Variants in EEF2KMT observed in about 807,000 individuals in gnomAD.
The protein encoded by EEF2KMT is eukaryotic elongation factor 2 lysine methyltransferase.
In EEF2KMT, 30 loss-of-function variants were observed where a neutral mutation model predicts 35.1. The observed-to-expected ratio is 0.85, with a 90% CI of 0.64 to 1.16. The LOEUF is 1.16. Ranked by LOEUF, EEF2KMT falls within the 50% of genes most tolerant of loss-of-function variation. EEF2KMT has a pLI of 0.00. For synonymous variants in EEF2KMT, 190 were observed against 187.7 expected (o/e 1.01, Z -0.10); for missense variants, 499 against 438.2 (o/e 1.14, Z -1.24).
In EEF2KMT at chr16:5,091,192, C is replaced by A. The variant is rs745986621; in HGVS notation, c.342+602G>T. 2.0e-4 allele frequency among the ~76,000 whole-genome samples: 30 copies of A among 152,206 alleles called. 1 individual carries two copies. Among genetic ancestry groups the A allele is most frequent in the Non-Finnish European group, 4.0e-4 (27 of 68,044 alleles). On this transcript the variant is annotated intron_variant, in intron 4 of 7. Transcript: ENST00000427587. ...CACCTCCTGGGTTGAAGAGATTCTCCTGCCTCAGCCTCCCTAGTAGCTGGG... is the reference window on the plus strand; with the variant it reads ...CACCTCCTGGGTTGAAGAGATTCTCATGCCTCAGCCTCCCTAGTAGCTGGG...
intron 2 of EEF2KMT, among the ~76,000 whole-genome samples, chr16:5,094,206 T>C (rs1480188673): frequency 6.7e-6 from 1 of 149,984 alleles, no homozygotes; most frequent in African/African-American, 2.5e-5. Flanking sequence ...GGGATGCAGA[T>C]TCTGCCCAAG....
Position 5,089,258 on chromosome 16 carries a change from T to G in EEF2KMT, c.743-2A>C, listed in dbSNP as rs1957288941. On this transcript the variant is annotated splice_acceptor_variant, in intron 6 of 7. Coordinates refer to ENST00000427587, the MANE Select transcript of EEF2KMT (RefSeq NM_201400.4). LOFTEE classifies it high-confidence loss of function. ...TGGCTTCTGGGCAATACAGCACATC[T>G]ATGGTGAAAGCTTCAGGTTACTGAA... The G allele has an allele frequency of 1.2e-6, 2 of 1,603,076 alleles. No individual in the cohort carries two copies. The highest frequency in any genetic ancestry group is 2.7e-5 in the African/African-American group (2 of 74,846).
intron 3 of EEF2KMT, among the ~76,000 whole-genome samples, chr16:5,092,969 A>C (rs1567180822): frequency 6.6e-6 from 1 of 152,150 alleles, no homozygotes; most frequent in Non-Finnish European, 1.5e-5. Flanking sequence ...CAAAAAAATA[A>C]ATAAATAAGT....
intron 2 of EEF2KMT, 88 bp downstream of exon 2, chr16:5,095,364 T>A (rs777864262): frequency 1.2e-4 from 200 of 1,601,526 alleles, no homozygotes; most frequent in Non-Finnish European, 1.7e-4. Context: ...TTTTAAAGGG[T>A]ACAAGCACAC....
chr16:5,093,261 C>G (rs7202044), intron 3 of EEF2KMT, among the ~76,000 whole-genome samples: 1 of 151,906 alleles, frequency 6.6e-6, no homozygotes, highest in Non-Finnish European at 1.5e-5. Context: ...GAGCAGCTGC[C>G]GTGGAAACCC....
At chr16:5,088,082 C>G (rs566934105) in intron 7 of EEF2KMT, among the ~76,000 whole-genome samples, 4 of 152,004 alleles carry the variant, frequency 2.6e-5, no homozygotes, top group African/African-American at 9.7e-5. Flanking sequence ...GCTGGGACTA[C>G]AGGCGTGTGC....
intron 3 of EEF2KMT, 37 bp from the exon 4 acceptor site, chr16:5,091,932 T>A: frequency 6.2e-7 from 1 of 1,610,230 alleles, no homozygotes; most frequent in Non-Finnish European, 8.5e-7. Flanking sequence ...TTTGCTTTCG[T>A]TCTAATCTGT....
rs904083650 is a variant in EEF2KMT, at chr16:5,090,982, T to G, written c.343-417A>C. 2.6e-5 allele frequency among the ~76,000 whole-genome samples: 4 copies of G among 152,232 alleles called. No individual in the cohort carries two copies. Among genetic ancestry groups the G allele is most frequent in the Admixed American group, 6.5e-5 (1 of 15,276 alleles). ...CCAGGCTGGAGTCAGTGGCACGATC[T>G]TGGCTCACTGCAACCTCTGCCTCCT... On this transcript the variant is annotated intron_variant, in intron 4 of 7. Transcript: ENST00000427587. The surrounding 1 kb of genome is among the most constrained non-coding windows in gnomAD (Gnocchi z 4.1).
rs1270824659 is a variant in EEF2KMT, at chr16:5,085,431, C to T, written c.*201G>A. 8.5e-6 allele frequency: 5 copies of T among 590,118 alleles called. No homozygotes were observed. The highest frequency in any genetic ancestry group is 1.9e-5 in the African/African-American group (1 of 53,318). The allele number at this position is 590,118 out of a possible 1,614,324, so 36.6% of individuals were successfully genotyped here. A position where few individuals can be genotyped will look rare whatever the true frequency, so the allele number is the denominator to read the frequency against. ...GATTTATGGTGATTTTCTTAAGAAC[C>T]AGAACTGCTGGCAGAAAGGGGGCAC... On this transcript the variant is annotated 3_prime_UTR_variant, in exon 8 of 8. Transcript: ENST00000427587.
In EEF2KMT at chr16:5,088,441, G is replaced by A. The variant is rs149372463; in HGVS notation, c.892+666C>T. On this transcript the variant is annotated intron_variant, in intron 7 of 7. Transcript: ENST00000427587. ...CCAGGAGGGGCTGTGCTCAGGGGGA[G>A]CTGGGGCAAAGGCTGGTGGCACTGG... 9.6e-3 allele frequency among the ~76,000 whole-genome samples: 1,463 copies of A among 152,306 alleles called. 25 individuals are homozygous for A. Among genetic ancestry groups the A allele is most frequent in the African/African-American group, 0.033 (1,366 of 41,562 alleles).
chr16:5,097,655 A>C lies in EEF2KMT; in HGVS notation c.85T>G (p.Phe29Val). Residue 29 changes from phenylalanine to valine, a missense_variant, in exon 1 of 8, where the codon TTC becomes GTC. Physicochemically the swap from Phe to Val is conservative, Grantham distance 50. Transcript: ENST00000427587. ...GCCCCGCCGCCCACCTGCCAGGGGA[A>C]GGAGCGCAGTGTGCGTGCCGCCAGG... ...RFLAARTLRS[F>V]PWQSLEAKLR... The C allele has an allele frequency of 6.4e-7, 1 of 1,571,792 alleles. No homozygotes were observed.
In EEF2KMT at chr16:5,097,730, C is replaced by A; in HGVS notation, c.10G>T (p.Glu4Ter). 8 of 1,565,482 alleles carry A rather than the reference C, an allele frequency of 5.1e-6. No homozygotes were observed. Among genetic ancestry groups the A allele is most frequent in the Non-Finnish European group, 5.2e-6 (6 of 1,161,010 alleles). The change falls in exon 1 of 8, where the codon GAG becomes TAG. Residue 4 changes from glutamate to a stop codon, truncating the protein, a stop_gained. Coordinates refer to ENST00000427587, the MANE Select transcript of EEF2KMT (RefSeq NM_201400.4). LOFTEE classifies it high-confidence loss of function. The stretch of plus-strand genomic sequence containing the variant: ...AAGAGTTCGGTCCCCGCGTTCTCCT[C>A]GGGCGCCATGACGTGGGCGGGGCCG... MAP[E>*]ENAGTELLLQ... is the part of the protein sequence containing the mutation.
At position 5,089,209 on chromosome 16, in the gene EEF2KMT, G is replaced by A. The variant is rs9806859; in HGVS notation, c.790C>T (p.Arg264Trp). Residue 264 changes from arginine (R) to tryptophan (W), a missense_variant, in exon 7 of 8, where the codon CGG becomes TGG. Coordinates refer to ENST00000427587, the MANE Select transcript of EEF2KMT (RefSeq NM_201400.4). ...EAIMSLVGVL[R>W]RLAACREHQR... Reference sequence around the variant, plus strand: ...TGCTCCCGGCAGGCAGCCAGCCTCCGCAGGACCCCGACCAGCGACATGATG... The same window carrying A: ...TGCTCCCGGCAGGCAGCCAGCCTCCACAGGACCCCGACCAGCGACATGATG... 2.0e-3 allele frequency: 3,212 copies of A among 1,610,078 alleles called. 57 individuals are homozygous for A. In the African/African-American group the frequency reaches 0.034, roughly 17 times the overall value.
chr16:5,091,103 CAG>C (rs1270355980), intron 4 of EEF2KMT, among the ~76,000 whole-genome samples: 1 of 151,608 alleles, frequency 6.6e-6, no homozygotes, highest in African/African-American at 2.4e-5. Context: ...TTTTTTGAGA[CAG>C]AGATTTGCTC....
Position 5,090,773 on chromosome 16 carries a change from A to G in EEF2KMT, c.343-208T>C, listed in dbSNP as rs181318628. ...GAAAGACACTCATCTCAGGCCACACAGGATTCCATTCATCGAACCTTCCTG... is the reference window on the plus strand; with the variant it reads ...GAAAGACACTCATCTCAGGCCACACGGGATTCCATTCATCGAACCTTCCTG... On this transcript the variant is annotated intron_variant, in intron 4 of 7. Transcript: ENST00000427587. This position sits in a 1 kb window ranked among gnomAD's most constrained non-coding sequence, Gnocchi z 4.1. Among the ~76,000 whole-genome samples, 3 of 152,204 alleles carry G rather than the reference A, an allele frequency of 2.0e-5. No individual in the cohort carries two copies. The highest frequency in any genetic ancestry group is 2.9e-5 in the Non-Finnish European group (2 of 68,010).
intron 4 of EEF2KMT, among the ~76,000 whole-genome samples, chr16:5,091,405 A>T (rs149952045): frequency 0.034 from 5,191 of 151,820 alleles, 151 homozygotes; most frequent in African/African-American, 0.081. Flanking sequence ...TTTAGTAGAG[A>T]CAGGGTTTCA....
Position 5,090,659 on chromosome 16 carries a change from G to A in EEF2KMT, c.343-94C>T, listed in dbSNP as rs1202425245. The A allele has an allele frequency of 2.6e-6, 4 of 1,523,642 alleles. No homozygotes were observed. The East Asian group carries it at 6.8e-5, about 26-fold the overall frequency. 94.4% of individuals were successfully genotyped at this position (1,523,642 alleles called of 1,614,324 possible). ...CCCACCACATGGCTGAATAAACCATGACAGGACCAATCGCCACTCAGCAAT... is the reference window on the plus strand; with the variant it reads ...CCCACCACATGGCTGAATAAACCATAACAGGACCAATCGCCACTCAGCAAT... On this transcript the variant is annotated intron_variant, in intron 4 of 7. Coordinates refer to ENST00000427587, the MANE Select transcript of EEF2KMT (RefSeq NM_201400.4). This position sits in a 1 kb window ranked among gnomAD's most constrained non-coding sequence, Gnocchi z 4.1.
rs759207777 is a variant in EEF2KMT, at chr16:5,089,058, C to T, written c.892+49G>A. 2.5e-6 allele frequency: 4 copies of T among 1,609,896 alleles called. No individual in the cohort carries two copies. The African/African-American group carries it at 5.3e-5, about 22-fold the overall frequency. On this transcript the variant is annotated intron_variant, in intron 7 of 7. Transcript: ENST00000427587. ...TTCTTTCACTTCCACTGGCGTCCTG[C>T]AGGGACAGCTCAGGGACCATGCAGG...
intron 7 of EEF2KMT, 116 bp from the exon 8 acceptor site, chr16:5,085,848 A>C: frequency 1.2e-6 from 1 of 833,220 alleles, no homozygotes; most frequent in Non-Finnish European, 2.1e-6. Flanking sequence ...AAGTCAGTTT[A>C]CTTGGTTCAC....
Sources: gnomAD v4.1 joint callset for allele counts (sites outside exome capture counted in the v4.1 genomes callset) on GRCh38, gnomAD v4.1.1 for gene constraint, Gnocchi (gnomAD v3.1) non-coding constraint, MANE v1.5 for transcripts, NCBI Gene and HGNC (gene_info 2026-07-23, HGNC 2026-07-21) for gene names.